Variants in NKAIN2 observed in about 807,000 individuals in gnomAD.
The protein encoded by NKAIN2 is sodium/potassium-transporting ATPase subunit beta-1-interacting protein 2.
A neutral mutation model predicts 32.6 loss-of-function variants in NKAIN2; 14 were observed. That is an observed-to-expected ratio of 0.43 (90% CI 0.28 to 0.67). NKAIN2 has a LOEUF of 0.67. Ranked by LOEUF, NKAIN2 falls within the 30% of genes least tolerant of loss-of-function variation. The pLI, the probability that NKAIN2 is intolerant of heterozygous loss-of-function variation, is 0.17. For synonymous variants in NKAIN2, 80 were observed against 87.2 expected (o/e 0.92, Z 0.46); for missense variants, 198 against 258.3 (o/e 0.77, Z 1.60).
At chr6:124,263,591 A>G (rs907510682) in intron 1 of NKAIN2, among the ~76,000 whole-genome samples, 1 of 152,232 alleles carries the variant, frequency 6.6e-6, no homozygotes, top group South Asian at 2.1e-4. Flanking sequence ...TCTTGTCAGA[A>G]GAAAAAAATC....
chr6:124,255,513 A>T (rs954983615), intron 1 of NKAIN2, among the ~76,000 whole-genome samples: 10 of 152,338 alleles, frequency 6.6e-5, no homozygotes, highest in Middle Eastern at 3.4e-3. Context: ...CTGCTGGATA[A>T]CCATGTGATC....
intron 3 of NKAIN2, chr6:124,390,698 C>T (rs1773103598): frequency 1.3e-5 from 2 of 152,086 alleles, no homozygotes; most frequent in Non-Finnish European, 2.9e-5. Flanking sequence ...TTACCTTGCC[C>T]AGAAAATAAT....
At chr6:124,650,676 C>T (rs903746164) in intron 3 of NKAIN2, among the ~76,000 whole-genome samples, 3 of 152,108 alleles carry the variant, frequency 2.0e-5, no homozygotes, top group East Asian at 3.9e-4. Flanking sequence ...AGTGGAGCAA[C>T]GCATGGCCTA....
At chr6:123,822,378 T>A (rs1773962706) in intron 1 of NKAIN2, among the ~76,000 whole-genome samples, 1 of 152,334 alleles carries the variant, frequency 6.6e-6, no homozygotes, top group South Asian at 2.1e-4. Context: ...AGCCAGTTGG[T>A]TAATAAATAT....
intron 1 of NKAIN2, among the ~76,000 whole-genome samples, chr6:124,054,327 G>T (rs1429068577): frequency 6.6e-6 from 1 of 152,050 alleles, no homozygotes; most frequent in Non-Finnish European, 1.5e-5. Flanking sequence ...GACAGAGTAG[G>T]TGAAATAAGT....
intron 4 of NKAIN2, among the ~76,000 whole-genome samples, chr6:124,764,325 G>T (rs973914141): frequency 2.0e-5 from 3 of 151,934 alleles, no homozygotes; most frequent in African/African-American, 7.3e-5. Context: ...AATTATGGGG[G>T]TTATCAAACC....
At chr6:124,779,273 GA>G in intron 4 of NKAIN2, among the ~76,000 whole-genome samples, 2 of 128,450 alleles carry the variant, frequency 1.6e-5, no homozygotes, top group Non-Finnish European at 1.6e-5. Flanking sequence ...GAGAGAGAGA[GA>G]GAGAGAGAGG....
intron 1 of NKAIN2, among the ~76,000 whole-genome samples, chr6:124,107,211 A>G (rs973848494): frequency 5.3e-5 from 8 of 152,190 alleles, no homozygotes; most frequent in South Asian, 2.1e-4. Context: ...AGAGGAACAG[A>G]GTGAGGCCGT....
chr6:124,537,979 G>A (rs950904305), intron 3 of NKAIN2, among the ~76,000 whole-genome samples: 4 of 152,082 alleles, frequency 2.6e-5, no homozygotes, highest in Non-Finnish European at 4.4e-5. Context: ...TTTCTAAGCA[G>A]TAAGTGTGGA....
chr6:123,819,090 T>C (rs1311118742), intron 1 of NKAIN2, among the ~76,000 whole-genome samples: 5 of 152,322 alleles, frequency 3.3e-5, no homozygotes, highest in African/African-American at 9.6e-5. Flanking sequence ...TGGCTATATG[T>C]GAGAAGAGGA....
intron 1 of NKAIN2, among the ~76,000 whole-genome samples, chr6:124,071,513 GA>G (rs768080932): frequency 1.3e-4 from 20 of 152,094 alleles, no homozygotes; most frequent in Non-Finnish European, 2.4e-4. Flanking sequence ...CACAGCATAA[GA>G]AACTATCAAC....
At chr6:124,064,194 G>A (rs945292783) in intron 1 of NKAIN2, among the ~76,000 whole-genome samples, 4 of 151,694 alleles carry the variant, frequency 2.6e-5, no homozygotes, top group Admixed American at 6.6e-5. Flanking sequence ...CTTGTCATCC[G>A]CCCACCTCAG....
intron 3 of NKAIN2, among the ~76,000 whole-genome samples, chr6:124,473,535 C>T (rs2114678598): frequency 6.6e-6 from 1 of 152,170 alleles, no homozygotes; most frequent in Admixed American, 6.6e-5. Context: ...CAAAGTCTTA[C>T]AAAAATTATC....
chr6:124,445,038 G>C (rs978520285), intron 3 of NKAIN2, among the ~76,000 whole-genome samples: 1 of 151,926 alleles, frequency 6.6e-6, no homozygotes, highest in South Asian at 2.1e-4. Flanking sequence ...TGCAGACTAC[G>C]AGGTCATTAG....
At chr6:124,375,963 T>G (rs755899377) in intron 3 of NKAIN2, among the ~76,000 whole-genome samples, 3 of 152,150 alleles carry the variant, frequency 2.0e-5, no homozygotes, top group Admixed American at 6.5e-5. Flanking sequence ...TGAGGGTGCC[T>G]GCACATAGTT....
At chr6:124,542,963 A>G (rs1421366743) in intron 3 of NKAIN2, among the ~76,000 whole-genome samples, 1 of 152,194 alleles carries the variant, frequency 6.6e-6, no homozygotes, top group Admixed American at 6.5e-5. Context: ...TGAATTTCTA[A>G]ATACAATACT....
At chr6:124,100,452 G>A (rs1477703199) in intron 1 of NKAIN2, among the ~76,000 whole-genome samples, 1 of 152,086 alleles carries the variant, frequency 6.6e-6, no homozygotes, top group African/African-American at 2.4e-5. Context: ...TTAATGCTTA[G>A]TGTTTACAAG....
chr6:124,445,527 C>T (rs555516114), intron 3 of NKAIN2, among the ~76,000 whole-genome samples: 4 of 152,138 alleles, frequency 2.6e-5, no homozygotes, highest in Admixed American at 2.6e-4. Flanking sequence ...TAAGACTTCA[C>T]ACTGTTTTAT....
At chr6:124,258,870 T>C (rs1360468322) in intron 1 of NKAIN2, among the ~76,000 whole-genome samples, 2 of 152,218 alleles carry the variant, frequency 1.3e-5, no homozygotes, top group Non-Finnish European at 2.9e-5. Context: ...TATAGTCTTG[T>C]CATGGTTCCA....
Sources: gnomAD v4.1 joint callset for allele counts (sites outside exome capture counted in the v4.1 genomes callset) on GRCh38, gnomAD v4.1.1 for gene constraint, MANE v1.5 for transcripts, NCBI Gene and HGNC (gene_info 2026-07-23, HGNC 2026-07-21) for gene names.